The following GRM5 variants were observed in gnomAD, a reference collection of about 807,000 sequenced individuals.
The protein encoded by GRM5 is metabotropic glutamate receptor 5.
A neutral mutation model predicts 83.1 loss-of-function variants in GRM5; 19 were observed. That is an observed-to-expected ratio of 0.23 (90% CI 0.16 to 0.34). The LOEUF is 0.34. Ranked by LOEUF, GRM5 falls within the 10% of genes least tolerant of loss-of-function variation. The pLI is 1.00. For synonymous variants in GRM5, 675 were observed against 633.6 expected, an observed-to-expected ratio of 1.07 and a Z score of -0.98; for missense variants, 1,160 against 1,588.3, an observed-to-expected ratio of 0.73 and a Z score of 4.58.
chr11:88,901,880 A>C (rs1203532170), intron 2 of GRM5, among the ~76,000 whole-genome samples: 21 of 152,182 alleles, frequency 1.4e-4, no homozygotes, highest in Admixed American at 6.5e-5. Context: ...CAAATGCTTC[A>C]ACTTTGTTTT....
intron 7 of GRM5, among the ~76,000 whole-genome samples, chr11:88,589,443 T>C (rs1937603440): frequency 4.6e-5 from 7 of 152,138 alleles, no homozygotes; most frequent in Admixed American, 4.6e-4. Context: ...AAGTCTCCTG[T>C]ATACATACCA....
chr11:88,935,241 A>G (rs1460655460), intron 2 of GRM5, among the ~76,000 whole-genome samples: 1 of 151,942 alleles, frequency 6.6e-6, no homozygotes, highest in African/African-American at 2.4e-5. Context: ...TTGGCTGTCA[A>G]TTTTCAGGTT....
intron 4 of GRM5, among the ~76,000 whole-genome samples, chr11:88,633,856 T>C (rs201114139): frequency 6.6e-6 from 1 of 152,184 alleles, no homozygotes; most frequent in Non-Finnish European, 1.5e-5. Flanking sequence ...TATACATTCA[T>C]ACATCACTTA....
At chr11:88,555,309 A>C (rs563918433) in intron 8 of GRM5, among the ~76,000 whole-genome samples, 5 of 152,282 alleles carry the variant, frequency 3.3e-5, no homozygotes, top group African/African-American at 1.2e-4. Flanking sequence ...TACTCCAGAC[A>C]AACTGAATCA....
At chr11:88,887,908 CA>C (rs928417716) in intron 2 of GRM5, among the ~76,000 whole-genome samples, 10 of 152,104 alleles carry the variant, frequency 6.6e-5, no homozygotes, top group African/African-American at 1.9e-4. Context: ...TCAGGCAGGC[CA>C]AAAGAGAATA....
At chr11:88,710,215 GC>G (rs774266418) in intron 3 of GRM5, among the ~76,000 whole-genome samples, 4 of 152,090 alleles carry the variant, frequency 2.6e-5, no homozygotes, top group Non-Finnish European at 4.4e-5. Context: ...AGAAAGTGTT[GC>G]TTTGTTTGGT....
At chr11:88,606,541 C>A (rs911953953) in intron 4 of GRM5, among the ~76,000 whole-genome samples, 1 of 152,200 alleles carries the variant, frequency 6.6e-6, no homozygotes, top group Non-Finnish European at 1.5e-5. Context: ...AAACAAACAA[C>A]CAAAAAAGAT....
chr11:88,586,231 AT>A (rs1326737350), intron 7 of GRM5, among the ~76,000 whole-genome samples: 2 of 152,232 alleles, frequency 1.3e-5, no homozygotes, highest in African/African-American at 4.8e-5. Context: ...TATGAAAAAA[AT>A]ATATACACAT....
At chr11:88,559,712 T>A (rs746077215) in intron 8 of GRM5, among the ~76,000 whole-genome samples, 2 of 152,180 alleles carry the variant, frequency 1.3e-5, no homozygotes, top group Non-Finnish European at 2.9e-5. Context: ...GTATTGAGTA[T>A]GTGATTGGCA....
At chr11:88,529,662 G>A (rs1941961767) in intron 8 of GRM5, among the ~76,000 whole-genome samples, 1 of 151,876 alleles carries the variant, frequency 6.6e-6, no homozygotes. Flanking sequence ...GGACTTGAAG[G>A]AACAAAACTA....
chr11:88,511,151 T>C (rs1485997933), intron 9 of GRM5, among the ~76,000 whole-genome samples: 1 of 152,214 alleles, frequency 6.6e-6, no homozygotes, highest in African/African-American at 2.4e-5. Flanking sequence ...AAAGTAAATC[T>C]GAAGCACTTT....
intron 3 of GRM5, among the ~76,000 whole-genome samples, chr11:88,737,190 T>C (rs1439134779): frequency 6.6e-6 from 1 of 152,078 alleles, no homozygotes; most frequent in East Asian, 1.9e-4. Flanking sequence ...AAGTTACTGC[T>C]TCTTATGCTC....
chr11:88,678,372 A>T (rs1005031148), intron 3 of GRM5, among the ~76,000 whole-genome samples: 2 of 152,068 alleles, frequency 1.3e-5, no homozygotes, highest in African/African-American at 4.8e-5. Context: ...TTGCATTTTC[A>T]ACTGCTCTAG....
At chr11:88,923,926 TA>T (rs1945738101) in intron 2 of GRM5, among the ~76,000 whole-genome samples, 1 of 151,342 alleles carries the variant, frequency 6.6e-6, no homozygotes, top group African/African-American at 2.4e-5. Context: ...ACCTACTATA[TA>T]CCCATAAAAA....
intron 2 of GRM5, among the ~76,000 whole-genome samples, chr11:88,981,607 A>C (rs990674521): frequency 6.6e-6 from 1 of 152,002 alleles, no homozygotes; most frequent in African/African-American, 2.4e-5. Context: ...AGTATACACA[A>C]AAAAAATTAT....
intron 3 of GRM5, among the ~76,000 whole-genome samples, chr11:88,810,369 T>C (rs1943567895): frequency 6.6e-6 from 1 of 151,998 alleles, no homozygotes; most frequent in Non-Finnish European, 1.5e-5. Context: ...TTAGTAAAAA[T>C]AAAACATGGG....
chr11:88,572,375 A>C (rs377532538), intron 7 of GRM5, among the ~76,000 whole-genome samples: 1 of 152,196 alleles, frequency 6.6e-6, no homozygotes, highest in African/African-American at 2.4e-5. Context: ...ATCAGAAGCC[A>C]AAGGAAAGTA....
chr11:88,522,224 C>T (rs555254423), intron 9 of GRM5, among the ~76,000 whole-genome samples: 10 of 152,272 alleles, frequency 6.6e-5, no homozygotes, highest in East Asian at 3.9e-4. Context: ...TATTGGTTGA[C>T]GCTAAAAGTA....
At chr11:88,763,428 A>G (rs1942568891) in intron 3 of GRM5, among the ~76,000 whole-genome samples, 1 of 151,820 alleles carries the variant, frequency 6.6e-6, no homozygotes, top group Non-Finnish European at 1.5e-5. Flanking sequence ...TTTCTACATG[A>G]CTAAATTACA....
Sources: allele counts gnomAD v4.1 joint callset (sites outside exome capture counted in the v4.1 genomes callset), GRCh38; gene constraint gnomAD v4.1.1; transcripts MANE v1.5; gene names NCBI Gene and HGNC (gene_info 2026-07-23, HGNC 2026-07-21).